The following SCMH1 variants were observed in gnomAD, a reference collection of about 807,000 sequenced individuals.
The protein encoded by SCMH1 is polycomb protein SCMH1.
A neutral mutation model predicts 70.8 loss-of-function variants in SCMH1; 37 were observed. The observed-to-expected ratio is 0.52, with a 90% CI of 0.40 to 0.69. SCMH1 has a LOEUF of 0.69. Ranked by LOEUF, SCMH1 falls within the 30% of genes least tolerant of loss-of-function variation. The pLI, the probability that SCMH1 is intolerant of heterozygous loss-of-function variation, is 0.00. For missense variants in SCMH1, 607 were observed against 827.3 expected (o/e 0.73, Z 3.27); for synonymous variants, 292 against 307.4 (o/e 0.95, Z 0.52).
chr1:41,080,979 C>T (rs1025841094), intron 8 of SCMH1, among the ~76,000 whole-genome samples: 2 of 151,978 alleles, frequency 1.3e-5, no homozygotes, highest in African/African-American at 4.8e-5. Context: ...ATTACTTGTA[C>T]GTGACATGAT....
At chr1:41,066,481 T>TA (rs1484888401) in intron 10 of SCMH1, among the ~76,000 whole-genome samples, 2 of 152,218 alleles carry the variant, frequency 1.3e-5, no homozygotes, top group Non-Finnish European at 2.9e-5. Context: ...CTATCTTAGA[T>TA]AATTTATCAG....
intron 8 of SCMH1, among the ~76,000 whole-genome samples, chr1:41,098,305 G>A (rs1295416766): frequency 6.6e-6 from 1 of 152,142 alleles, no homozygotes; most frequent in Non-Finnish European, 1.5e-5. Context: ...GCTAATTCAA[G>A]TAAAACTTGA....
intron 2 of SCMH1, among the ~76,000 whole-genome samples, chr1:41,170,238 A>ATGAAGAAT: frequency 6.6e-6 from 1 of 152,230 alleles, no homozygotes; most frequent in Admixed American, 6.5e-5. Context: ...GAGCCAGACC[A>ATGAAGAAT]TGAAGAATCT....
chr1:41,171,612 T>C (rs558376678), intron 2 of SCMH1, among the ~76,000 whole-genome samples: 83 of 152,250 alleles, frequency 5.5e-4, no homozygotes, highest in Middle Eastern at 3.4e-3. Context: ...TACATTATTT[T>C]CATAAGCACA....
intron 2 of SCMH1, among the ~76,000 whole-genome samples, chr1:41,179,631 C>T (rs956035871): frequency 1.3e-5 from 2 of 152,138 alleles, no homozygotes; most frequent in African/African-American, 4.8e-5. Context: ...GGATAAATTC[C>T]TCGACACATA....
chr1:41,062,468 G>A (rs1424926829), intron 10 of SCMH1, among the ~76,000 whole-genome samples: 1 of 151,744 alleles, frequency 6.6e-6, no homozygotes, highest in Non-Finnish European at 1.5e-5. Context: ...TAGGCTGGGT[G>A]CCTTGGCTCA....
At chr1:41,226,953 C>G (rs973190697) in intron 1 of SCMH1, among the ~76,000 whole-genome samples, 7 of 152,070 alleles carry the variant, frequency 4.6e-5, no homozygotes, top group African/African-American at 1.4e-4. Context: ...AAGAAAAAAC[C>G]CTGAGGTGGG....
intron 2 of SCMH1, among the ~76,000 whole-genome samples, chr1:41,179,715 ATAAT>A (rs1557752388): frequency 2.6e-5 from 4 of 152,228 alleles, no homozygotes; most frequent in Non-Finnish European, 5.9e-5. Context: ...AATTGAGGCG[ATAAT>A]TAATAGCTTA....
intron 8 of SCMH1, among the ~76,000 whole-genome samples, chr1:41,111,039 A>G (rs1669122942): frequency 6.6e-6 from 1 of 152,188 alleles, no homozygotes; most frequent in South Asian, 2.1e-4. Context: ...ATGATGAATG[A>G]TATTGAGCAT....
At chr1:41,114,759 CT>C in intron 7 of SCMH1, among the ~76,000 whole-genome samples, 1 of 152,090 alleles carries the variant, frequency 6.6e-6, no homozygotes, top group South Asian at 2.1e-4. Flanking sequence ...TCACTGCAAC[CT>C]CTGCCTCCCA....
At chr1:41,187,472 A>C (rs1557772550) in intron 1 of SCMH1, among the ~76,000 whole-genome samples, 2 of 151,896 alleles carry the variant, frequency 1.3e-5, no homozygotes, top group African/African-American at 4.8e-5. Flanking sequence ...AAAAAAAAAA[A>C]AAAACCCCAA....
chr1:41,214,932 C>T (rs576573409), intron 1 of SCMH1, among the ~76,000 whole-genome samples: 6 of 152,232 alleles, frequency 3.9e-5, no homozygotes, highest in Non-Finnish European at 7.4e-5. Flanking sequence ...GAAAGCGCTT[C>T]TTCAAAATGC....
At chr1:41,202,446 A>T (rs1187775216) in intron 1 of SCMH1, among the ~76,000 whole-genome samples, 1 of 151,974 alleles carries the variant, frequency 6.6e-6, no homozygotes, top group African/African-American at 2.4e-5. Context: ...ATCTACTTTA[A>T]TTCTTTCTCA....
chr1:41,103,744 G>A (rs1667183383), intron 8 of SCMH1, among the ~76,000 whole-genome samples: 1 of 152,180 alleles, frequency 6.6e-6, no homozygotes, highest in Non-Finnish European at 1.5e-5. Context: ...TCAGGCATCT[G>A]GAGTTTGTGA....
At chr1:41,144,098 T>C (rs1644344340) in intron 5 of SCMH1, among the ~76,000 whole-genome samples, 8 of 152,218 alleles carry the variant, frequency 5.3e-5, no homozygotes, top group Admixed American at 5.2e-4. Context: ...ATGGTAGGTA[T>C]ATGTTTAAAT....
intron 1 of SCMH1, among the ~76,000 whole-genome samples, chr1:41,235,569 TAAAAAAA>T (rs61093555): frequency 0.016 from 692 of 43,060 alleles, 7 homozygotes; most frequent in Middle Eastern, 0.033. Context: ...AGACTCCGTC[TAAAAAAA>T]AAAAAAAAAA....
At chr1:41,137,625 T>C (rs1304856361) in intron 6 of SCMH1, among the ~76,000 whole-genome samples, 2 of 152,210 alleles carry the variant, frequency 1.3e-5, no homozygotes, top group African/African-American at 4.8e-5. Flanking sequence ...GGTTTCATAG[T>C]AGAGTTACTG....
At chr1:41,154,585 T>C (rs140359547) in intron 4 of SCMH1, among the ~76,000 whole-genome samples, 59 of 152,300 alleles carry the variant, frequency 3.9e-4, no homozygotes, top group African/African-American at 1.3e-3. Flanking sequence ...AGTCTAGAGA[T>C]AAACAGAGAC....
rs114438946 is a variant in SCMH1 at position 41,159,389 on chromosome 1, T to C, written c.106+1486A>G. Among the ~76,000 whole-genome samples, 455 of 152,356 alleles carry C rather than the reference T, an allele frequency of 3.0e-3. 3 individuals carry two copies. Among genetic ancestry groups the C allele is most frequent in the African/African-American group, 0.01 (435 of 41,590 alleles). ...GAGCTACAATTGTTATTATCATTCA[T>C]ATTAGCGACAAAACCAAAAACAACA... On this transcript the variant is annotated intron_variant, in intron 4 of 14. Coordinates refer to ENST00000337495, the Ensembl canonical transcript of SCMH1.
Sources: gnomAD v4.1 joint callset for allele counts (sites outside exome capture counted in the v4.1 genomes callset) on GRCh38, gnomAD v4.1.1 for gene constraint, MANE v1.5 for transcripts, NCBI Gene and HGNC (gene_info 2026-07-23, HGNC 2026-07-21) for gene names.